SYTL5: variants seen among roughly 807,000 people sequenced by gnomAD.
The protein encoded by SYTL5 is synaptotagmin-like protein 5.
Under a neutral mutation model 55.9 loss-of-function variants are expected in SYTL5, and 34 were observed. That is an observed-to-expected ratio of 0.61 (90% confidence interval 0.46 to 0.81). SYTL5 has a LOEUF of 0.81. SYTL5 is among the 30% of genes least tolerant of loss of function. The pLI is 0.00. For missense variants in SYTL5, 637 were observed against 546.7 expected, an observed-to-expected ratio of 1.17 and a Z score of -1.65; for synonymous variants, 221 against 188.7, an observed-to-expected ratio of 1.17 and a Z score of -1.40.
the SYTL5 span, among the ~76,000 whole-genome samples, chrX:37,903,473 TCTCA>T: frequency 1.9e-5 from 2 of 103,658 alleles, no homozygotes; most frequent in African/African-American, 3.5e-5. Flanking sequence ...CACTGCATGT[TCTCA>T]CTCATAGGTG....
intron 13 of SYTL5, among the ~76,000 whole-genome samples, chrX:38,115,680 C>T (rs913140845): frequency 9.1e-6 from 1 of 110,434 alleles, no homozygotes; most frequent in Non-Finnish European, 1.9e-5. Context: ...TGGTGATTAG[C>T]GATGTTGAGC....
At chrX:37,944,616 C>T in the SYTL5 span, among the ~76,000 whole-genome samples, 1 of 111,420 alleles carries the variant, frequency 9.0e-6, no homozygotes, top group East Asian at 2.8e-4. Flanking sequence ...TCCATGAATG[C>T]GGGCACAACT....
At chrX:38,052,782 T>C (rs192323102) in intron 2 of SYTL5, among the ~76,000 whole-genome samples, 1 of 111,603 alleles carries the variant, frequency 9.0e-6, no homozygotes, top group Non-Finnish European at 1.9e-5. Context: ...TGGTATAAAA[T>C]GTGTGGGATG....
At chrX:37,944,047 A>T in the SYTL5 span, among the ~76,000 whole-genome samples, 1 of 110,906 alleles carries the variant, frequency 9.0e-6, no homozygotes, top group Non-Finnish European at 1.9e-5. Context: ...TCAGTTTACT[A>T]TAAATGCTCC....
chrX:37,901,777 C>A, the SYTL5 span, among the ~76,000 whole-genome samples: 1 of 111,271 alleles, frequency 9.0e-6, no homozygotes, highest in Non-Finnish European at 1.9e-5. Context: ...ATTCCTATTG[C>A]CATTCAGGTG....
the SYTL5 span, among the ~76,000 whole-genome samples, chrX:37,972,087 C>T: frequency 9.1e-6 from 1 of 109,778 alleles, no homozygotes; most frequent in Non-Finnish European, 1.9e-5. Context: ...CCTGCAGGGC[C>T]GCTGCACATC....
At chrX:38,034,811 C>G (rs1935055827) in intron 2 of SYTL5, among the ~76,000 whole-genome samples, 1 of 111,750 alleles carries the variant, frequency 8.9e-6, no homozygotes, top group African/African-American at 3.3e-5. Flanking sequence ...TGGCTGCTGC[C>G]TGTACCGTCT....
At chrX:37,991,220 A>C in the SYTL5 span, 7 of 1,192,609 alleles carry the variant, frequency 5.9e-6, no homozygotes, top group Admixed American at 1.4e-4. Context: ...CCTTGAAGGG[A>C]ACCTCACAGG....
chrX:37,992,469 T>G, the SYTL5 span, among the ~76,000 whole-genome samples: 1 of 113,014 alleles, frequency 8.8e-6, no homozygotes, highest in South Asian at 3.6e-4. Context: ...ACATGTGATA[T>G]TAGACCTTCA....
At chrX:37,916,489 A>G in the SYTL5 span, among the ~76,000 whole-genome samples, 1 of 112,093 alleles carries the variant, frequency 8.9e-6, no homozygotes, top group Non-Finnish European at 1.9e-5. Context: ...AGCTGCTTTC[A>G]AATGGGCTCA....
Position 38,076,973 on chromosome X carries a change from G to A in SYTL5, c.689+272G>A, listed in dbSNP as rs146367804. ...TGCAGTTCAAATGGAAATGTACAGG[G>A]CAAGTAAATGTTTTTCATTGACTTC... On this transcript the variant is annotated intron_variant, in intron 6 of 16. Coordinates refer to ENST00000297875, the MANE Select transcript of SYTL5 (RefSeq NM_138780.3). 1.3e-4 allele frequency among the ~76,000 whole-genome samples: 15 copies of A among 111,705 alleles called. No homozygotes were observed. The East Asian group carries it at 4.2e-3, about 31-fold the overall frequency.
At chrX:38,115,738 G>A (rs891176925) in intron 13 of SYTL5, among the ~76,000 whole-genome samples, 11 of 111,484 alleles carry the variant, frequency 9.9e-5, no homozygotes, top group Admixed American at 5.7e-4. Flanking sequence ...TTTGAGAGAT[G>A]TCTGTTAAGA....
the SYTL5 span, among the ~76,000 whole-genome samples, chrX:37,913,254 T>C: frequency 8.9e-6 from 1 of 112,457 alleles, no homozygotes; most frequent in Admixed American, 9.4e-5. Context: ...TGTCTGCTAT[T>C]GAAACCAATT....
intron 2 of SYTL5, among the ~76,000 whole-genome samples, chrX:38,040,756 T>C (rs763215722): frequency 1.8e-5 from 2 of 111,983 alleles, no homozygotes; most frequent in Admixed American, 9.5e-5. Flanking sequence ...TCTTGGCTAT[T>C]GTGAACAGTG....
At chrX:37,945,508 G>A in the SYTL5 span, among the ~76,000 whole-genome samples, 1 of 111,464 alleles carries the variant, frequency 9.0e-6, no homozygotes, top group East Asian at 2.8e-4. Context: ...AAGCAGGGTG[G>A]TGTTGGTTGA....
At chrX:38,115,961 T>G (rs1419283742) in intron 13 of SYTL5, among the ~76,000 whole-genome samples, 1 of 112,199 alleles carries the variant, frequency 8.9e-6, no homozygotes, top group East Asian at 2.8e-4. Flanking sequence ...TATTTGCCTA[T>G]TTTTGCTTTT....
chrX:37,991,741 G>C, the SYTL5 span, among the ~76,000 whole-genome samples: 89 of 112,212 alleles, frequency 7.9e-4, no homozygotes, highest in Non-Finnish European at 1.4e-3. Flanking sequence ...CTGGCATGAA[G>C]TTCATGGGAC....
upstream of SYTL5, among the ~76,000 whole-genome samples, chrX:38,005,981 G>A (rs1160233884): frequency 1.8e-5 from 2 of 111,712 alleles, no homozygotes; most frequent in African/African-American, 3.2e-5. Flanking sequence ...ATGTTCAGCT[G>A]AGCAATCACA....
At chrX:38,021,005 A>G (rs901739827) in intron 1 of SYTL5, among the ~76,000 whole-genome samples, 2 of 111,325 alleles carry the variant, frequency 1.8e-5, no homozygotes, top group African/African-American at 6.5e-5. Flanking sequence ...TCTACCCCAC[A>G]CTTTCTCCAA....
Sources: allele counts gnomAD v4.1 joint callset (sites outside exome capture counted in the v4.1 genomes callset), GRCh38; gene constraint gnomAD v4.1.1; transcripts MANE v1.5; gene names NCBI Gene and HGNC (gene_info 2026-07-23, HGNC 2026-07-21).